The following PALM2AKAP2 variants were observed in gnomAD, a reference collection of about 807,000 sequenced individuals.
PALM2AKAP2 encodes the protein PALM2 and AKAP2 fusion.
Under a neutral mutation model 71.5 loss-of-function variants are expected in PALM2AKAP2, and 37 were observed. The ratio of observed to expected loss-of-function variants is 0.52; its 90% CI spans 0.40 to 0.68. The LOEUF (loss-of-function observed/expected upper bound fraction) is 0.68. Among genes scored for constraint, PALM2AKAP2 ranks in the 30% least tolerant of loss-of-function variants. PALM2AKAP2 has a pLI of 0.00. For missense variants in PALM2AKAP2, 1,224 were observed against 1,191.8 expected, an observed-to-expected ratio of 1.03 and a Z score of -0.40; for synonymous variants, 468 against 478.8, an observed-to-expected ratio of 0.98 and a Z score of 0.29.
At chr9:110,152,388 G>A (rs1836340428) in intron 2 of PALM2AKAP2, among the ~76,000 whole-genome samples, 1 of 152,162 alleles carries the variant, frequency 6.6e-6, no homozygotes, top group Non-Finnish European at 1.5e-5. Context: ...AAAGTTTGAG[G>A]GAGTAAGCAA....
intron 1 of PALM2AKAP2, among the ~76,000 whole-genome samples, chr9:109,688,985 G>A (rs1398406336): frequency 6.6e-6 from 1 of 152,158 alleles, no homozygotes; most frequent in South Asian, 2.1e-4. Context: ...GAAAGATCCT[G>A]CAGTTCTTCC....
chr9:110,003,877 C>A (rs900330713), intron 6 of PALM2AKAP2, among the ~76,000 whole-genome samples: 1 of 151,900 alleles, frequency 6.6e-6, no homozygotes, highest in African/African-American at 2.4e-5. Context: ...TTTTCCATTT[C>A]CTTGGTAGAT....
chr9:110,163,030 T>C (rs1158797855), intron 3 of PALM2AKAP2, among the ~76,000 whole-genome samples: 1 of 152,170 alleles, frequency 6.6e-6, no homozygotes, highest in Non-Finnish European at 1.5e-5. Context: ...TCTTCTTTCC[T>C]TTTACACAGA....
intron 3 of PALM2AKAP2, among the ~76,000 whole-genome samples, chr9:109,886,294 C>T (rs867106081): frequency 1.3e-5 from 2 of 152,062 alleles, no homozygotes; most frequent in Non-Finnish European, 2.9e-5. Context: ...TTGATACTTT[C>T]GGAGATTGTA....
chr9:109,806,314 T>C (rs890843091), intron 1 of PALM2AKAP2, among the ~76,000 whole-genome samples: 2 of 152,226 alleles, frequency 1.3e-5, no homozygotes, highest in African/African-American at 2.4e-5. Context: ...TATGAAGTCA[T>C]GTGTGATAAA....
chr9:109,933,072 T>G (rs1831143806), intron 6 of PALM2AKAP2, among the ~76,000 whole-genome samples: 1 of 152,248 alleles, frequency 6.6e-6, no homozygotes, highest in Non-Finnish European at 1.5e-5. Context: ...TGGGCATCTC[T>G]GTAAACATCT....
chr9:109,758,144 G>A (rs944167913), intron 1 of PALM2AKAP2, among the ~76,000 whole-genome samples: 1 of 151,968 alleles, frequency 6.6e-6, no homozygotes, highest in Non-Finnish European at 1.5e-5. Context: ...TCTGCATTTT[G>A]ACTTTTTGAT....
intron 1 of PALM2AKAP2, among the ~76,000 whole-genome samples, chr9:109,644,241 GT>G (rs1827115256): frequency 6.6e-6 from 1 of 151,574 alleles, no homozygotes; most frequent in Admixed American, 6.6e-5. Flanking sequence ...ATCTTTTCCT[GT>G]CCCTCCTTGG....
intron 1 of PALM2AKAP2, among the ~76,000 whole-genome samples, chr9:109,786,700 A>G (rs1014988229): frequency 1.3e-5 from 2 of 152,084 alleles, no homozygotes; most frequent in African/African-American, 4.8e-5. Flanking sequence ...CCTGCTACTT[A>G]TTTGTACCTC....
intron 1 of PALM2AKAP2, among the ~76,000 whole-genome samples, chr9:110,104,384 T>G (rs1243324695): frequency 1.3e-5 from 2 of 152,206 alleles, no homozygotes; most frequent in Non-Finnish European, 2.9e-5. Context: ...AGGGCAGTTC[T>G]TGAATCTCTG....
At chr9:110,144,172 T>C (rs1211389122) in intron 2 of PALM2AKAP2, among the ~76,000 whole-genome samples, 1 of 152,228 alleles carries the variant, frequency 6.6e-6, no homozygotes, top group Non-Finnish European at 1.5e-5. Context: ...CATTGCTCCA[T>C]GGGGGAAGTC....
At chr9:109,942,621 C>A in intron 6 of PALM2AKAP2, 1 of 1,502,962 alleles carries the variant, frequency 6.7e-7, no homozygotes, top group South Asian at 1.4e-5. Flanking sequence ...GTCTGTTTGG[C>A]AATTAACCAT....
intron 1 of PALM2AKAP2, among the ~76,000 whole-genome samples, chr9:109,830,908 G>A (rs1198647863): frequency 6.6e-6 from 1 of 152,098 alleles, no homozygotes; most frequent in East Asian, 1.9e-4. Context: ...TCCCTCTGCA[G>A]TCTCTTAAAA....
chr9:110,125,904 ATGG>A (rs1477013942), intron 1 of PALM2AKAP2, among the ~76,000 whole-genome samples: 2 of 152,010 alleles, frequency 1.3e-5, no homozygotes, highest in African/African-American at 4.8e-5. Context: ...CGCTTTGAAG[ATGG>A]TGCAAGTGTG....
chr9:110,117,510 A>G (rs868205130), intron 1 of PALM2AKAP2, among the ~76,000 whole-genome samples: 3 of 152,144 alleles, frequency 2.0e-5, no homozygotes, highest in Non-Finnish European at 2.9e-5. Flanking sequence ...CCCCATTCCT[A>G]TTCTCCAGGG....
chr9:109,968,329 T>C (rs1436026336), intron 6 of PALM2AKAP2, among the ~76,000 whole-genome samples: 1 of 152,152 alleles, frequency 6.6e-6, no homozygotes, highest in Non-Finnish European at 1.5e-5. Flanking sequence ...TTCCACTAAA[T>C]GGAAACTGGA....
chr9:109,690,007 G>GTT (rs573446380), intron 1 of PALM2AKAP2, among the ~76,000 whole-genome samples: 2 of 144,216 alleles, frequency 1.4e-5, no homozygotes, highest in Admixed American at 7.0e-5. Flanking sequence ...ATGGGGAAGA[G>GTT]TTTTTTTTTT....
intron 6 of PALM2AKAP2, chr9:109,943,240 T>C (rs1336536785): frequency 3.1e-6 from 5 of 1,614,030 alleles, no homozygotes; most frequent in Admixed American, 1.7e-5. Context: ...TGAGAAGTCA[T>C]TGAGGGAGAA....
chr9:110,007,050 G>T (rs573799054), intron 6 of PALM2AKAP2, among the ~76,000 whole-genome samples: 5 of 152,246 alleles, frequency 3.3e-5, no homozygotes, highest in South Asian at 2.1e-4. Flanking sequence ...GGGGTAGGGG[G>T]TGCTTTGGGG....
Sources: allele counts gnomAD v4.1 joint callset (sites outside exome capture counted in the v4.1 genomes callset), GRCh38; gene constraint gnomAD v4.1.1; transcripts MANE v1.5; gene names NCBI Gene and HGNC (gene_info 2026-07-23, HGNC 2026-07-21).